NLGN1: variants seen among roughly 807,000 people sequenced by gnomAD.
The protein encoded by NLGN1 is neuroligin 1.
NLGN1 carries 12 observed loss-of-function variants against 65.5 expected under a neutral mutation model. The ratio of observed to expected loss-of-function variants is 0.18; its 90% CI spans 0.12 to 0.30. The LOEUF (loss-of-function observed/expected upper bound fraction) is 0.30. NLGN1 is among the 10% of genes least tolerant of loss of function. The probability of loss-of-function intolerance (pLI) is 1.00; values close to 1 mark genes in which losing one functional copy is unlikely to be tolerated. For synonymous variants in NLGN1, 350 were observed against 359.5 expected, an observed-to-expected ratio of 0.97 and a Z score of 0.30; for missense variants, 750 against 1,007.1, an observed-to-expected ratio of 0.74 and a Z score of 3.46.
intron 4 of NLGN1, among the ~76,000 whole-genome samples, chr3:174,114,808 G>A (rs1716030747): frequency 6.6e-6 from 1 of 151,886 alleles, no homozygotes; most frequent in South Asian, 2.1e-4. Flanking sequence ...CCAATTCGAA[G>A]GTTCCTAACA....
At chr3:173,431,930 A>G (rs1490412628) in intron 1 of NLGN1, among the ~76,000 whole-genome samples, 3 of 152,090 alleles carry the variant, frequency 2.0e-5, no homozygotes, top group Non-Finnish European at 4.4e-5. Context: ...ACTTCTTACT[A>G]TTTCCATAGT....
intron 4 of NLGN1, among the ~76,000 whole-genome samples, chr3:174,205,925 G>C (rs932386292): frequency 6.6e-6 from 1 of 152,090 alleles, no homozygotes; most frequent in Non-Finnish European, 1.5e-5. Context: ...TCAATTCAGT[G>C]CCCAGCAACC....
intron 4 of NLGN1, among the ~76,000 whole-genome samples, chr3:174,134,593 A>T (rs1016665327): frequency 4.6e-5 from 7 of 152,130 alleles, no homozygotes; most frequent in African/African-American, 1.4e-4. Flanking sequence ...ATGACATTAC[A>T]TGAAGAGGCT....
At chr3:174,037,385 T>C (rs1444238058) in intron 4 of NLGN1, among the ~76,000 whole-genome samples, 2 of 152,194 alleles carry the variant, frequency 1.3e-5, no homozygotes, top group East Asian at 1.9e-4. Flanking sequence ...TTTCTTGATA[T>C]GCCCCAGGAA....
intron 4 of NLGN1, among the ~76,000 whole-genome samples, chr3:174,267,657 G>A (rs1166369858): frequency 6.6e-6 from 1 of 152,022 alleles, no homozygotes; most frequent in Non-Finnish European, 1.5e-5. Flanking sequence ...TACCCACACT[G>A]CATCTTAGAG....
intron 4 of NLGN1, among the ~76,000 whole-genome samples, chr3:173,863,563 A>G (rs911981888): frequency 1.3e-5 from 2 of 152,230 alleles, no homozygotes; most frequent in African/African-American, 2.4e-5. Flanking sequence ...GTCATTCTGA[A>G]TATCTTTAAT....
At chr3:174,070,337 GTT>G (rs59115661) in intron 4 of NLGN1, among the ~76,000 whole-genome samples, 2 of 144,302 alleles carry the variant, frequency 1.4e-5, no homozygotes, top group African/African-American at 5.1e-5. Context: ...GACTTTTTGT[GTT>G]TTTTTTTTTT....
At chr3:174,124,578 TATATACGTATATATACGTATAC>T (rs1476514523) in intron 4 of NLGN1, among the ~76,000 whole-genome samples, 6 of 80,462 alleles carry the variant, frequency 7.5e-5, no homozygotes, top group African/African-American at 7.3e-4. Context: ...CGTATACACA[TATATACGTATATATACGTATAC>T]ATATATACGT....
chr3:174,195,454 G>A (rs149537521), intron 4 of NLGN1, among the ~76,000 whole-genome samples: 1 of 152,254 alleles, frequency 6.6e-6, no homozygotes, highest in East Asian at 1.9e-4. Flanking sequence ...TACACTCAAA[G>A]AGACGATCTG....
intron 4 of NLGN1, among the ~76,000 whole-genome samples, chr3:174,017,267 A>G (rs1726768657): frequency 6.6e-6 from 1 of 152,160 alleles, no homozygotes; most frequent in Non-Finnish European, 1.5e-5. Flanking sequence ...AGAACTCTTT[A>G]TTCTTCATTA....
At chr3:173,964,793 A>C (rs532865234) in intron 4 of NLGN1, among the ~76,000 whole-genome samples, 1 of 152,316 alleles carries the variant, frequency 6.6e-6, no homozygotes, top group Non-Finnish European at 1.5e-5. Flanking sequence ...TAACTATCAT[A>C]TTTTTGAAAC....
intron 4 of NLGN1, among the ~76,000 whole-genome samples, chr3:173,954,262 A>G (rs1748758807): frequency 6.6e-6 from 1 of 152,168 alleles, no homozygotes; most frequent in South Asian, 2.1e-4. Context: ...ATGTATATCT[A>G]TGCATTCTAT....
At chr3:173,502,294 C>A (rs1476212768) in intron 2 of NLGN1, among the ~76,000 whole-genome samples, 2 of 152,074 alleles carry the variant, frequency 1.3e-5, no homozygotes, top group African/African-American at 4.8e-5. Flanking sequence ...GAAGATCTTA[C>A]TTTCCCAATT....
intron 4 of NLGN1, among the ~76,000 whole-genome samples, chr3:174,053,919 T>G (rs1426543440): frequency 6.6e-6 from 1 of 151,964 alleles, no homozygotes; most frequent in Non-Finnish European, 1.5e-5. Context: ...ATATAAGGAT[T>G]TCTGAAATTT....
At chr3:173,618,438 C>G (rs1326083583) in intron 3 of NLGN1, among the ~76,000 whole-genome samples, 1 of 152,126 alleles carries the variant, frequency 6.6e-6, no homozygotes, top group Non-Finnish European at 1.5e-5. Flanking sequence ...TGCAAGCGAT[C>G]CTCCTTCCTC....
At chr3:173,926,377 A>C (rs1393159960) in intron 4 of NLGN1, among the ~76,000 whole-genome samples, 1 of 152,174 alleles carries the variant, frequency 6.6e-6, no homozygotes, top group Non-Finnish European at 1.5e-5. Context: ...TTTTTATTTC[A>C]TCATTTTCCC....
intron 2 of NLGN1, among the ~76,000 whole-genome samples, chr3:173,446,926 G>A (rs1448609483): frequency 6.6e-6 from 1 of 152,016 alleles, no homozygotes; most frequent in African/African-American, 2.4e-5. Context: ...TTTTTTTCTT[G>A]TAAATTTGTT....
intron 4 of NLGN1, among the ~76,000 whole-genome samples, chr3:174,017,772 C>T (rs1726900871): frequency 6.6e-6 from 1 of 152,002 alleles, no homozygotes; most frequent in Non-Finnish European, 1.5e-5. Flanking sequence ...AGATCACATG[C>T]TTCACAAGGT....
chr3:173,490,396 A>G (rs1254183317), intron 2 of NLGN1, among the ~76,000 whole-genome samples: 1 of 152,108 alleles, frequency 6.6e-6, no homozygotes, highest in Non-Finnish European at 1.5e-5. Flanking sequence ...CAAAGATCAG[A>G]TAGTTGTAGA....
Sources: gnomAD v4.1 joint callset for allele counts (sites outside exome capture counted in the v4.1 genomes callset) on GRCh38, gnomAD v4.1.1 for gene constraint, MANE v1.5 for transcripts, NCBI Gene and HGNC (gene_info 2026-07-23, HGNC 2026-07-21) for gene names.